DBF4: variants seen among roughly 807,000 people sequenced by gnomAD.
DBF4 encodes protein DBF4 homolog A.
In DBF4, 25 loss-of-function variants were observed where a neutral mutation model predicts 76.6. The observed-to-expected ratio is 0.33, with a 90% CI of 0.24 to 0.46. The LOEUF is 0.46. DBF4 is among the 20% of genes least tolerant of loss of function. The pLI is 1.00. For missense variants in DBF4, 638 were observed against 760.8 expected, an observed-to-expected ratio of 0.84 and a Z score of 1.90; for synonymous variants, 213 against 258.0, an observed-to-expected ratio of 0.83 and a Z score of 1.67.
At chr7:87,881,390 G>A (rs953615187) in intron 2 of DBF4, among the ~76,000 whole-genome samples, 35 of 152,230 alleles carry the variant, frequency 2.3e-4, no homozygotes, top group South Asian at 4.1e-4. Flanking sequence ...CTGGGCAACA[G>A]AGCGAGACTG....
rs74557144 is a variant in DBF4 at position 87,908,769 on chromosome 7, C to CT, written c.*608dup. 42,954 of 152,028 alleles carry CT rather than the reference C, an allele frequency of 0.28. 7,480 individuals carry two copies. The highest frequency in any genetic ancestry group is 0.48 in the African/African-American group (19,895 of 41,422). The allele number at this position is 152,028 out of a possible 1,614,324, so 9.4% of individuals were successfully genotyped here. Reference sequence around the variant, plus strand: ...TTATCTGCTATTTTTAATTACTTACCTTGTAAATAACTTTAATAATATTCA... The same window carrying CT: ...TTATCTGCTATTTTTAATTACTTACCTTTGTAAATAACTTTAATAATATTCA... On this transcript the variant is annotated 3_prime_UTR_variant, in exon 12 of 12. Transcript: ENST00000265728.
chr7:87,898,641 A>G (rs1192735386), intron 8 of DBF4, among the ~76,000 whole-genome samples: 3 of 152,038 alleles, frequency 2.0e-5, no homozygotes, highest in African/African-American at 7.3e-5. Context: ...AATATAAAAA[A>G]TTAGCCGGGC....
intron 8 of DBF4, among the ~76,000 whole-genome samples, chr7:87,899,552 G>C (rs1383216047): frequency 1.3e-5 from 2 of 152,178 alleles, no homozygotes; most frequent in Non-Finnish European, 2.9e-5. Context: ...CTAAACCACA[G>C]TGAGATACCA....
intron 2 of DBF4, among the ~76,000 whole-genome samples, chr7:87,883,765 T>C (rs1023226237): frequency 6.6e-6 from 1 of 152,216 alleles, no homozygotes; most frequent in Non-Finnish European, 1.5e-5. Flanking sequence ...ATTTATAGTG[T>C]GGGATCCTAT....
Position 87,876,726 on chromosome 7 carries a change from G to A in DBF4, c.-7G>A. 1 of 1,614,100 alleles carries A rather than the reference G, an allele frequency of 6.2e-7. No homozygotes were observed. The highest frequency in any genetic ancestry group is 8.5e-7 in the Non-Finnish European group (1 of 1,180,028). The stretch of plus-strand genomic sequence containing the variant: ...CGGACCCAGCATGTAGGTGCCGGGC[G>A]ACTGCCATGAACTCCGGAGCCATGA... On this transcript the variant is annotated 5_prime_UTR_variant, in exon 1 of 12. Transcript: ENST00000265728.
chr7:87,894,411 GATC>G (rs1465203566), intron 6 of DBF4, among the ~76,000 whole-genome samples: 3 of 152,038 alleles, frequency 2.0e-5, no homozygotes, highest in African/African-American at 7.2e-5. Context: ...AGAGAGGCAA[GATC>G]ATGCCACTGC....
At chr7:87,893,712 A>G (rs1040713412) in intron 6 of DBF4, among the ~76,000 whole-genome samples, 22 of 152,144 alleles carry the variant, frequency 1.4e-4, no homozygotes, top group Non-Finnish European at 1.5e-4. Flanking sequence ...TAACATATCT[A>G]TATATTTAAA....
chr7:87,879,951 C>CAAA (rs78858917), intron 2 of DBF4, among the ~76,000 whole-genome samples: 3 of 100,452 alleles, frequency 3.0e-5, no homozygotes, highest in East Asian at 5.5e-4. Context: ...ACCCTATGTC[C>CAAA]AAAAAAAAAA....
At chr7:87,897,203 T>G (rs1474799731) in intron 7 of DBF4, 91 bp from the exon 8 acceptor site, 3 of 1,236,412 alleles carry the variant, frequency 2.4e-6, no homozygotes, top group Non-Finnish European at 3.4e-6. Flanking sequence ...GTTTTTTGTT[T>G]GGAGGGTTTT....
At chr7:87,902,648 A>C (rs934107027) in intron 10 of DBF4, among the ~76,000 whole-genome samples, 1 of 152,256 alleles carries the variant, frequency 6.6e-6, no homozygotes, top group African/African-American at 2.4e-5. Flanking sequence ...AATGGAAATT[A>C]GAGGGGAACT....
chr7:87,904,872 C>T (rs1215700359), intron 11 of DBF4, among the ~76,000 whole-genome samples: 1 of 152,204 alleles, frequency 6.6e-6, no homozygotes, highest in Non-Finnish European at 1.5e-5. Flanking sequence ...TTCTTCCCTA[C>T]TATCAAAGAT....
chr7:87,884,033 C>T (rs935189947), intron 2 of DBF4, among the ~76,000 whole-genome samples: 3 of 152,042 alleles, frequency 2.0e-5, no homozygotes, highest in Non-Finnish European at 4.4e-5. Context: ...GATACTTAGG[C>T]GGTGGTTTTC....
chr7:87,890,453 A>G (rs759311867), intron 6 of DBF4, among the ~76,000 whole-genome samples: 2 of 152,182 alleles, frequency 1.3e-5, no homozygotes, highest in Non-Finnish European at 2.9e-5. Context: ...AATCACTTGA[A>G]GCTGGCAGGC....
chr7:87,898,198 C>G (rs777677477), intron 8 of DBF4, among the ~76,000 whole-genome samples: 3 of 152,174 alleles, frequency 2.0e-5, no homozygotes, highest in Admixed American at 2.0e-4. Flanking sequence ...CTCTTGGGTA[C>G]TCACACTGAG....
At chr7:87,885,444 C>CT (rs989091545) in intron 3 of DBF4, among the ~76,000 whole-genome samples, 1 of 152,186 alleles carries the variant, frequency 6.6e-6, no homozygotes, top group Non-Finnish European at 1.5e-5. Context: ...GCAGATCATT[C>CT]TTTGAAGAAG....
intron 2 of DBF4, among the ~76,000 whole-genome samples, chr7:87,881,648 T>C (rs1235719089): frequency 6.6e-6 from 1 of 152,186 alleles, no homozygotes; most frequent in Non-Finnish European, 1.5e-5. Context: ...ATTCCACCAC[T>C]GTCTCCAGTA....
intron 2 of DBF4, 145 bp downstream of exon 2, chr7:87,878,370 A>G: frequency 1.5e-6 from 1 of 663,950 alleles, no homozygotes; most frequent in Non-Finnish European, 2.5e-6. Context: ...CGTTAACAAA[A>G]AACCATTTGT....
chr7:87,880,815 G>C (rs539416775), intron 2 of DBF4, among the ~76,000 whole-genome samples: 1 of 152,182 alleles, frequency 6.6e-6, no homozygotes, highest in African/African-American at 2.4e-5. Flanking sequence ...AGGTGTTACA[G>C]AACCATCTAA....
chr7:87,884,228 T>G (rs1471226306), intron 2 of DBF4, among the ~76,000 whole-genome samples: 1 of 152,196 alleles, frequency 6.6e-6, no homozygotes, highest in East Asian at 1.9e-4. Context: ...AAATCAAATT[T>G]AAAAATCAGT....
Sources: gnomAD v4.1 joint callset for allele counts (sites outside exome capture counted in the v4.1 genomes callset) on GRCh38, gnomAD v4.1.1 for gene constraint, MANE v1.5 for transcripts, NCBI Gene and HGNC (gene_info 2026-07-23, HGNC 2026-07-21) for gene names.